The following EPM2AIP1 variants were observed in gnomAD, a reference collection of about 807,000 sequenced individuals.
The protein encoded by EPM2AIP1 is EPM2A interacting protein 1, also known as EPM2A-interacting protein 1.
Under a neutral mutation model 44.8 loss-of-function variants are expected in EPM2AIP1, and 23 were observed. The ratio of observed to expected loss-of-function variants is 0.51; its 90% CI spans 0.37 to 0.73. EPM2AIP1 has a LOEUF of 0.73. Among genes scored for constraint, EPM2AIP1 ranks in the 30% least tolerant of loss-of-function variants. The pLI, the probability that EPM2AIP1 is intolerant of heterozygous loss-of-function variation, is 0.00. For missense variants in EPM2AIP1, 652 were observed against 743.9 expected (o/e 0.88, Z 1.44); for synonymous variants, 311 against 284.3 (o/e 1.09, Z -0.94).
rs202243683 is a variant in EPM2AIP1, at chr3:36,992,817, G to A, written c.261C>T (p.Pro87=). 1.2e-4 allele frequency: 200 copies of A among 1,612,358 alleles called. No homozygotes were observed. Among genetic ancestry groups the A allele is most frequent in the Non-Finnish European group, 1.6e-4 (190 of 1,179,794 alleles). ...LVERLRQGDL[P]VASFTPEERA... ...TCTCTTCAGGAGTGAAGGAGGCCACGGGCAAGTCGCCCTGACGCAGACGCT... is the reference window on the plus strand; with the variant it reads ...TCTCTTCAGGAGTGAAGGAGGCCACAGGCAAGTCGCCCTGACGCAGACGCT... Residue 87 remains proline, a synonymous_variant, in exon 1 of 1, where the codon CCC becomes CCT. Coordinates refer to ENST00000322716, the MANE Select transcript of EPM2AIP1 (RefSeq NM_014805.4). This position sits in a 1 kb window ranked among gnomAD's most constrained non-coding sequence, Gnocchi z 5.3.
rs1343222467 is a variant in EPM2AIP1 at position 36,987,176 on chromosome 3, C to T, written c.*4078G>A. On this transcript the variant is annotated 3_prime_UTR_variant, in exon 1 of 1. Transcript: ENST00000322716. ...TAGTGACCAGAAGGGCTGAGTCAGT[C>T]TTCTACTTTGTTAAATTTACTTACT... 6.6e-6 allele frequency: 1 copy of T among 152,562 alleles called. No homozygotes were observed. Among genetic ancestry groups the T allele is most frequent in the Non-Finnish European group, 1.5e-5 (1 of 68,006 alleles). 9.5% of individuals were successfully genotyped at this position (152,562 alleles called of 1,614,324 possible).
At position 36,988,981 on chromosome 3, in the gene EPM2AIP1, CTTTTTCTTTTTT is replaced by C; in HGVS notation, c.*2261_*2272del. 1 of 122,028 alleles carries C rather than the reference CTTTTTCTTTTTT, an allele frequency of 8.2e-6. No individual in the cohort carries two copies. Among genetic ancestry groups the C allele is most frequent in the Admixed American group, 7.9e-5 (1 of 12,690 alleles). 7.6% of individuals were successfully genotyped at this position (122,028 alleles called of 1,614,324 possible). On this transcript the variant is annotated 3_prime_UTR_variant, in exon 1 of 1. Transcript: ENST00000322716. The stretch of plus-strand genomic sequence containing the variant: ...AGAAAACAGTAAAATACACTTTTTT[CTTTTTCTTTTTT>C]TTTTTTTTTTTTTACAAACAAGACT...
rs923689928 is a variant in EPM2AIP1 at position 36,992,668 on chromosome 3, A to C, written c.410T>G (p.Val137Gly). 5 of 1,613,872 alleles carry C rather than the reference A, an allele frequency of 3.1e-6. No individual in the cohort carries two copies. Among genetic ancestry groups the C allele is most frequent in the Non-Finnish European group, 3.4e-6 (4 of 1,179,900 alleles). The change falls in exon 1 of 1, where the codon GTA (valine) becomes GGA (glycine). Residue 137 changes from valine to glycine, a missense_variant. Coordinates refer to ENST00000322716, the MANE Select transcript of EPM2AIP1 (RefSeq NM_014805.4). This position sits in a 1 kb window ranked among gnomAD's most constrained non-coding sequence, Gnocchi z 5.3. ...TAAGTCAACGCCTTGCAGGACGCTT[A>C]CATGCTCGGGCAGTACCTCTCTCAG... ...VLLREVLPEH[V>G]SVLQGVDLSP...
At position 36,985,386 on chromosome 3, in the gene EPM2AIP1, T is replaced by C. The variant is rs1472585969; in HGVS notation, c.*5868A>G. The C allele has an allele frequency of 6.6e-6, 1 of 152,216 alleles. No individual in the cohort carries two copies. Among genetic ancestry groups the C allele is most frequent in the African/African-American group, 2.4e-5 (1 of 41,448 alleles). The allele number at this position is 152,216 out of a possible 1,614,324, so 9.4% of individuals were successfully genotyped here. Reference sequence around the variant, plus strand: ...GACCTGGGTGGTGCATTCAAGGGCATATATAAAAACCCACTGAGGTGTACA... The same window carrying C: ...GACCTGGGTGGTGCATTCAAGGGCACATATAAAAACCCACTGAGGTGTACA... On this transcript the variant is annotated 3_prime_UTR_variant, in exon 1 of 1. Transcript: ENST00000322716.
chr3:36,988,979 T>C lies in EPM2AIP1; in HGVS notation c.*2275A>G, dbSNP rs929914034. 1 of 136,008 alleles carries C rather than the reference T, an allele frequency of 7.4e-6. No individual in the cohort carries two copies. Among genetic ancestry groups the C allele is most frequent in the Non-Finnish European group, 1.5e-5 (1 of 67,218 alleles). 8.4% of individuals were successfully genotyped at this position (136,008 alleles called of 1,614,324 possible). A position where few individuals can be genotyped will look rare whatever the true frequency, so the allele number is the denominator to read the frequency against. ...ACAGAAAACAGTAAAATACACTTTT[T>C]TCTTTTTCTTTTTTTTTTTTTTTTT... On this transcript the variant is annotated 3_prime_UTR_variant, in exon 1 of 1. Transcript: ENST00000322716.
Position 36,992,069 on chromosome 3 carries a change from A to G in EPM2AIP1, c.1009T>C (p.Cys337Arg). ...SEHGERVNGRCLNNWLRRGKT... is the reference protein window; with the variant it reads ...SEHGERVNGRRLNNWLRRGKT... ...CCTCTCCTAAGCCAATTGTTCAGAC[A>G]TCGTCCATTAACCCTTTCACCATGC... Residue 337 changes from cysteine (C) to arginine (R), a missense_variant, in exon 1 of 1, where the codon TGT (cysteine) becomes CGT (arginine). Coordinates refer to ENST00000322716, the MANE Select transcript of EPM2AIP1 (RefSeq NM_014805.4). The surrounding 1 kb of genome is among the most constrained non-coding windows in gnomAD (Gnocchi z 5.3). 2 of 1,614,066 alleles carry G rather than the reference A, an allele frequency of 1.2e-6. No homozygotes were observed. Among genetic ancestry groups the G allele is most frequent in the Non-Finnish European group, 1.7e-6 (2 of 1,179,896 alleles).
Position 36,992,288 on chromosome 3 carries a change from T to C in EPM2AIP1, c.790A>G (p.Arg264Gly). 6.2e-7 allele frequency: 1 copy of C among 1,614,006 alleles called. No individual in the cohort carries two copies. The highest frequency in any genetic ancestry group is 8.5e-7 in the Non-Finnish European group (1 of 1,179,898). Reference protein sequence around the residue: ...GENSGLVSYMREKAVSPNCWN... With the variant: ...GENSGLVSYMGEKAVSPNCWN... The stretch of plus-strand genomic sequence containing the variant: ...CAGTTGGGGCTTACGGCCTTTTCTC[T>C]CATGTATGAGACGAGTCCTGAGTTC... Residue 264 changes from arginine (R) to glycine (G), a missense_variant, in exon 1 of 1, where the codon AGA becomes GGA. By Grantham distance (125) the Arg-to-Gly change is moderately radical (BLOSUM62 -2). Coordinates refer to ENST00000322716, the MANE Select transcript of EPM2AIP1 (RefSeq NM_014805.4). This position sits in a 1 kb window ranked among gnomAD's most constrained non-coding sequence, Gnocchi z 5.3.
rs1325741163 is a variant in EPM2AIP1 at position 36,986,057 on chromosome 3, T to C, written c.*5197A>G. ...AAGCTAGCCCATGCTGACACAGAAATTGGTCCCTTGTTTTTTAAAATGCTA... is the reference window on the plus strand; with the variant it reads ...AAGCTAGCCCATGCTGACACAGAAACTGGTCCCTTGTTTTTTAAAATGCTA... On this transcript the variant is annotated 3_prime_UTR_variant, in exon 1 of 1. Coordinates refer to ENST00000322716, the MANE Select transcript of EPM2AIP1 (RefSeq NM_014805.4). 3 of 152,164 alleles carry C rather than the reference T, an allele frequency of 2.0e-5. No individual in the cohort carries two copies. Among genetic ancestry groups the C allele is most frequent in the African/African-American group, 7.2e-5 (3 of 41,436 alleles). 9.4% of individuals were successfully genotyped at this position (152,164 alleles called of 1,614,324 possible).
chr3:36,988,633 G>C lies in EPM2AIP1; in HGVS notation c.*2621C>G, dbSNP rs942593958. 4 of 152,180 alleles carry C rather than the reference G, an allele frequency of 2.6e-5. No individual in the cohort carries two copies. Among genetic ancestry groups the C allele is most frequent in the Admixed American group, 6.5e-5 (1 of 15,274 alleles). The allele number at this position is 152,180 out of a possible 1,614,324, so 9.4% of individuals were successfully genotyped here. On this transcript the variant is annotated 3_prime_UTR_variant, in exon 1 of 1. Transcript: ENST00000322716. ...CAGATATTGAAGGGAAGAGGTGCCT[G>C]CAAAGACTAAGAAAGCACACCTGGA...
Position 36,988,261 on chromosome 3 carries a change from T to C in EPM2AIP1, c.*2993A>G, listed in dbSNP as rs578190411. 35 of 152,340 alleles carry C rather than the reference T, an allele frequency of 2.3e-4. No individual in the cohort carries two copies. Among genetic ancestry groups the C allele is most frequent in the African/African-American group, 6.3e-4 (26 of 41,574 alleles). The allele number at this position is 152,340 out of a possible 1,614,324, so 9.4% of individuals were successfully genotyped here. A position where few individuals can be genotyped will look rare whatever the true frequency, so the allele number is the denominator to read the frequency against. ...AACAGGGAGACTAATAAGGAGGCTG[T>C]TGCTATAATTTAGGTAGGTTGATGG... On this transcript the variant is annotated 3_prime_UTR_variant, in exon 1 of 1. Transcript: ENST00000322716.
Position 36,988,030 on chromosome 3 carries a change from C to T in EPM2AIP1, c.*3224G>A, listed in dbSNP as rs182197082. ...TGCCAAGTGTATGTCTGGGAAAGAA[C>T]AGGGTGTATAGGGAATGGATAGTAA... is the stretch of plus-strand genomic sequence containing the variant. On this transcript the variant is annotated 3_prime_UTR_variant, in exon 1 of 1. Transcript: ENST00000322716. 9.9e-5 allele frequency: 15 copies of T among 152,232 alleles called. No homozygotes were observed. The highest frequency in any genetic ancestry group is 3.4e-4 in the African/African-American group (14 of 41,528). The allele number at this position is 152,232 out of a possible 1,614,324, so 9.4% of individuals were successfully genotyped here. A position where few individuals can be genotyped will look rare whatever the true frequency, so the allele number is the denominator to read the frequency against.
rs760685771 is a variant in EPM2AIP1, at chr3:36,991,227, AGT to A, written c.*25_*26del. Reference sequence around the variant, plus strand: ...TGCTTTTAGAATTAAATTCTTGTTGAGTTTTTCAATCTTGTACTACAAAGCCT... The same window carrying A: ...TGCTTTTAGAATTAAATTCTTGTTGATTTTCAATCTTGTACTACAAAGCCT... On this transcript the variant is annotated 3_prime_UTR_variant, in exon 1 of 1. Coordinates refer to ENST00000322716, the MANE Select transcript of EPM2AIP1 (RefSeq NM_014805.4). 85 of 1,517,624 alleles carry A rather than the reference AGT, an allele frequency of 5.6e-5. No homozygotes were observed. The South Asian group carries it at 8.2e-4, about 15-fold the overall frequency. 94.0% of individuals were successfully genotyped at this position (1,517,624 alleles called of 1,614,324 possible).
Position 36,985,822 on chromosome 3 carries a change from T to C in EPM2AIP1, c.*5432A>G, listed in dbSNP as rs566308229. 1 of 152,362 alleles carries C rather than the reference T, an allele frequency of 6.6e-6. No homozygotes were observed. Among genetic ancestry groups the C allele is most frequent in the Admixed American group, 6.5e-5 (1 of 15,296 alleles). The allele number at this position is 152,362 out of a possible 1,614,324, so 9.4% of individuals were successfully genotyped here. A position where few individuals can be genotyped will look rare whatever the true frequency, so the allele number is the denominator to read the frequency against. On this transcript the variant is annotated 3_prime_UTR_variant, in exon 1 of 1. Coordinates refer to ENST00000322716, the MANE Select transcript of EPM2AIP1 (RefSeq NM_014805.4). ...TGTAGCAACTACTCAGCTGTGCCAT[T>C]GTAGAACCAAAGTAGCCACAGATAA...
chr3:36,992,550 A>G lies in EPM2AIP1; in HGVS notation c.528T>C (p.Ser176=), dbSNP rs1559497419. 6.2e-7 allele frequency: 1 copy of G among 1,614,020 alleles called. No individual in the cohort carries two copies. The highest frequency in any genetic ancestry group is 8.5e-7 in the Non-Finnish European group (1 of 1,179,896). The stretch of plus-strand genomic sequence containing the variant: ...CAAAAGCCTGGTCGTCCAAGGCAAG[A>G]GAATAGGCTTTAAAGTCCCTGGCTC... The part of the protein sequence containing the change: ...FNRARDFKAY[S]LALDDQAFVA... Residue 176 remains serine (S), a synonymous_variant, in exon 1 of 1, where the codon TCT becomes TCC. Coordinates refer to ENST00000322716, the MANE Select transcript of EPM2AIP1 (RefSeq NM_014805.4). The surrounding 1 kb of genome is among the most constrained non-coding windows in gnomAD (Gnocchi z 5.3).
chr3:36,991,658 G>A lies in EPM2AIP1; in HGVS notation c.1420C>T (p.His474Tyr), dbSNP rs370427836. ...ICRLQKEFER[H>Y]FKDLRFIKKD... ...TTAATGAACCTGAGGTCCTTAAAAT[G>A]TCTCTCAAATTCTTTTTGGAGACGA... Residue 474 changes from histidine (H) to tyrosine (Y), a missense_variant, in exon 1 of 1, where the codon CAT (histidine) becomes TAT (tyrosine). Transcript: ENST00000322716. The A allele has an allele frequency of 3.2e-4, 515 of 1,612,534 alleles. No individual in the cohort carries two copies. The highest frequency in any genetic ancestry group is 4.1e-4 in the Non-Finnish European group (484 of 1,179,550).
At position 36,993,085 on chromosome 3, in the gene EPM2AIP1, G is replaced by T; in HGVS notation, c.-8C>A. ...TTTGGGCGTCATCCACATTCTGCGG[G>T]AGGCCACAAGAGCAGGGCCAACGTT... On this transcript the variant is annotated 5_prime_UTR_variant, in exon 1 of 1. Coordinates refer to ENST00000322716, the MANE Select transcript of EPM2AIP1 (RefSeq NM_014805.4). 6.3e-7 allele frequency: 1 copy of T among 1,593,580 alleles called. No individual in the cohort carries two copies.
rs11294180 is a variant in EPM2AIP1, at chr3:36,986,781, CAA to C, written c.*4471_*4472del. ...TGGGTGACAAAGTGAGACCCCGCCT[CAA>C]AAAAAAAAAAAAAAAAAAAAGCCAG... On this transcript the variant is annotated 3_prime_UTR_variant, in exon 1 of 1. Coordinates refer to ENST00000322716, the MANE Select transcript of EPM2AIP1 (RefSeq NM_014805.4). 4,231 of 75,556 alleles carry C rather than the reference CAA, an allele frequency of 0.056. 117 individuals are homozygous for C. Among genetic ancestry groups the C allele is most frequent in the African/African-American group, 0.16 (3,151 of 20,000 alleles). The allele number at this position is 75,556 out of a possible 1,614,324, so 4.7% of individuals were successfully genotyped here.
rs1284998859 is a variant in EPM2AIP1, at chr3:36,987,847, G to C, written c.*3407C>G. On this transcript the variant is annotated 3_prime_UTR_variant, in exon 1 of 1. Transcript: ENST00000322716. ...AGACTGTGAAAGAGCTTCAAAAATT[G>C]TAAAACACTACACAAATATTCGTTT... 1 of 152,184 alleles carries C rather than the reference G, an allele frequency of 6.6e-6. No individual in the cohort carries two copies. Among genetic ancestry groups the C allele is most frequent in the Non-Finnish European group, 1.5e-5 (1 of 68,030 alleles). The allele number at this position is 152,184 out of a possible 1,614,324, so 9.4% of individuals were successfully genotyped here.
Position 36,985,637 on chromosome 3 carries a change from C to T in EPM2AIP1, c.*5617G>A, listed in dbSNP as rs985763928. The T allele has an allele frequency of 1.6e-4, 25 of 152,228 alleles. 1 individual carries two copies. Among genetic ancestry groups the T allele is most frequent in the Admixed American group, 1.6e-3 (24 of 15,282 alleles). 9.4% of individuals were successfully genotyped at this position (152,228 alleles called of 1,614,324 possible). Reference sequence around the variant, plus strand: ...AAGAGTCCTTAAGTGATTTGCCATACTCTTTTTTCATTTCCCAAAGTTAGC... The same window carrying T: ...AAGAGTCCTTAAGTGATTTGCCATATTCTTTTTTCATTTCCCAAAGTTAGC... On this transcript the variant is annotated 3_prime_UTR_variant, in exon 1 of 1. Coordinates refer to ENST00000322716, the MANE Select transcript of EPM2AIP1 (RefSeq NM_014805.4).
Sources: allele counts gnomAD v4.1 joint callset, GRCh38; gene constraint gnomAD v4.1.1; non-coding constraint Gnocchi (gnomAD v3.1); transcripts MANE v1.5; gene names NCBI Gene and HGNC (gene_info 2026-07-23, HGNC 2026-07-21).